The following HNRNPA2B1 variants were observed in gnomAD, a reference collection of about 807,000 sequenced individuals.
HNRNPA2B1 encodes the protein heterogeneous nuclear ribonucleoprotein A2/B1.
In HNRNPA2B1, 3 loss-of-function variants were observed where a neutral mutation model predicts 46.3. The ratio of observed to expected loss-of-function variants is 0.06; its 90% CI spans 0.03 to 0.17. HNRNPA2B1 has a LOEUF of 0.17. Among genes scored for constraint, HNRNPA2B1 ranks in the 10% least tolerant of loss-of-function variants. The pLI is 1.00. For missense variants in HNRNPA2B1, 221 were observed against 418.9 expected, an observed-to-expected ratio of 0.53 and a Z score of 4.12; for synonymous variants, 225 against 133.8, an observed-to-expected ratio of 1.68 and a Z score of -4.70.
intron 1 of HNRNPA2B1, 67 bp from the exon 2 acceptor site, chr7:26,197,799 C>A: frequency 1.2e-6 from 2 of 1,604,066 alleles, no homozygotes; most frequent in Non-Finnish European, 1.7e-6. Context: ...AAATTAAATT[C>A]TTAAATATGA....
Position 26,195,893 on chromosome 7 carries a change from TCCACTG to T in HNRNPA2B1, c.669_674del (p.Ser224_Gly225del), listed in dbSNP as rs1215176353. On this transcript the variant is annotated inframe_deletion, in exon 7 of 11. Transcript: ENST00000618183. ...CATTATAGCCATCCCCAAATCCACG[TCCACTG>T]CCATATCCATCTGTTAGGGGCCAAA... The T allele has an allele frequency of 6.2e-7, 1 of 1,609,474 alleles. No individual in the cohort carries two copies. Among genetic ancestry groups the T allele is most frequent in the Middle Eastern group, 1.7e-4 (1 of 6,030 alleles).
rs1407283972 is a variant in HNRNPA2B1, at chr7:26,196,427, G to T, written c.632C>A (p.Pro211Gln). 1 of 1,613,938 alleles carries T rather than the reference G, an allele frequency of 6.2e-7. No individual in the cohort carries two copies. The highest frequency in any genetic ancestry group is 8.5e-7 in the Non-Finnish European group (1 of 1,179,870). The change falls in exon 6 of 11, where the codon CCA becomes CAA. Residue 211 changes from proline to glutamine, a missense_variant. By Grantham distance (76) the Pro-to-Gln change is moderately conservative (BLOSUM62 -1). Around this residue, in one of 2 missense-constraint regions of HNRNPA2B1, gnomAD observed 143 missense variants for 200.5 expected, o/e 0.71. Coordinates refer to ENST00000618183, the MANE Select transcript of HNRNPA2B1 (RefSeq NM_002137.4). ...AGATCCTCCTCTAAAGTTACTTCCT[G>T]GTCCTGGTCCGAAATTTCCACCGCC... ...RGGGGNFGPG[P>Q]GSNFRGGSDG...
At chr7:26,198,820 T>G (rs1273221161) in intron 1 of HNRNPA2B1, 1 of 152,260 alleles carries the variant, frequency 6.6e-6, no homozygotes, top group African/African-American at 2.4e-5. Flanking sequence ...CAATCAATTA[T>G]TTTTTGTTCC....
chr7:26,193,182 C>A (rs1783107969), intron 9 of HNRNPA2B1, 69 bp downstream of exon 9: 2 of 1,452,264 alleles, frequency 1.4e-6, no homozygotes, highest in East Asian at 2.3e-5. Context: ...ATGTTATCTT[C>A]CCTTTAAGTC....
At position 26,190,666 on chromosome 7, in the gene HNRNPA2B1, T is replaced by C. The variant is rs1365156267; in HGVS notation, c.*1694A>G. The C allele has an allele frequency of 1.3e-5, 2 of 152,208 alleles. No individual in the cohort carries two copies. Among genetic ancestry groups the C allele is most frequent in the Admixed American group, 6.5e-5 (1 of 15,284 alleles). The allele number at this position is 152,208 out of a possible 1,614,324, so 9.4% of individuals were successfully genotyped here. On this transcript the variant is annotated 3_prime_UTR_variant, in exon 11 of 11. Coordinates refer to ENST00000618183, the MANE Select transcript of HNRNPA2B1 (RefSeq NM_002137.4). ...TGAATTTCAACAGCCAACCTACAACTTTCTCTTCAGGGTAAGACACTGAAC... is the reference window on the plus strand; with the variant it reads ...TGAATTTCAACAGCCAACCTACAACCTTCTCTTCAGGGTAAGACACTGAAC...
intron 1 of HNRNPA2B1, chr7:26,198,089 TAAAG>T (rs1330536442): frequency 1.3e-5 from 5 of 377,960 alleles, no homozygotes; most frequent in Non-Finnish European, 1.9e-5. Context: ...AAAGGATTAT[TAAAG>T]AATCTTTACC....
At position 26,200,582 on chromosome 7, in the gene HNRNPA2B1, G is replaced by A. The variant is rs375914282; in HGVS notation, c.-5C>T. Reference sequence around the variant, plus strand: ...TTTCAAACCCGTTACCTCCATCGCGGACTCAGTCGCTTCAGCCCGATTTCC... The same window carrying A: ...TTTCAAACCCGTTACCTCCATCGCGAACTCAGTCGCTTCAGCCCGATTTCC... On this transcript the variant is annotated 5_prime_UTR_variant, in exon 1 of 11. Coordinates refer to ENST00000618183, the MANE Select transcript of HNRNPA2B1 (RefSeq NM_002137.4). 3.4e-5 allele frequency: 55 copies of A among 1,613,352 alleles called. No homozygotes were observed. The highest frequency in any genetic ancestry group is 4.5e-5 in the Non-Finnish European group (53 of 1,180,012).
chr7:26,195,103 A>G lies in HNRNPA2B1; in HGVS notation c.721+744T>C, dbSNP rs1193582196. Among the ~76,000 whole-genome samples, 4 of 145,996 alleles carry G rather than the reference A, an allele frequency of 2.7e-5. 1 individual carries two copies. Among genetic ancestry groups the G allele is most frequent in the Admixed American group, 6.9e-5 (1 of 14,532 alleles). ...GCAAGGCTCCGTCTCAAAAAAAAAA[A>G]AAAAAAAGAAACCATATTAAAAAAA... On this transcript the variant is annotated intron_variant, in intron 7 of 10. Coordinates refer to ENST00000618183, the MANE Select transcript of HNRNPA2B1 (RefSeq NM_002137.4).
chr7:26,194,577 C>T (rs889828087), intron 7 of HNRNPA2B1, among the ~76,000 whole-genome samples: 1 of 150,832 alleles, frequency 6.6e-6, no homozygotes, highest in African/African-American at 2.4e-5. Context: ...TGGCACACCC[C>T]GTAGTTCCAG....
rs754178704 is a variant in HNRNPA2B1 at position 26,197,748 on chromosome 7, C to G, written c.7-16G>C. On this transcript the variant is annotated splice_polypyrimidine_tract_variant and intron_variant, in intron 1 of 10. Transcript: ENST00000618183. Reference sequence around the variant, plus strand: ...CCTTTTCTCTCTGCAAAGGAAAATACCATTTCAATTTTTATTTACATTTTC... The same window carrying G: ...CCTTTTCTCTCTGCAAAGGAAAATAGCATTTCAATTTTTATTTACATTTTC... 6.2e-7 allele frequency: 1 copy of G among 1,601,918 alleles called. No individual in the cohort carries two copies. Among genetic ancestry groups the G allele is most frequent in the Non-Finnish European group, 8.5e-7 (1 of 1,171,634 alleles).
intron 4 of HNRNPA2B1, 36 bp from the exon 5 acceptor site, chr7:26,196,694 T>C (rs372376249): frequency 1.9e-6 from 3 of 1,584,824 alleles, no homozygotes; most frequent in South Asian, 1.1e-5. Context: ...TTAAATTAAA[T>C]CAACAATATT....
At chr7:26,196,704 T>C (rs1583991091) in intron 4 of HNRNPA2B1, 46 bp from the exon 5 acceptor site, 1 of 1,573,670 alleles carries the variant, frequency 6.4e-7, no homozygotes, top group East Asian at 2.2e-5. Flanking sequence ...TCAACAATAT[T>C]AAGCAGCTTC....
intron 7 of HNRNPA2B1, among the ~76,000 whole-genome samples, chr7:26,194,948 G>C (rs1783360859): frequency 1.3e-5 from 2 of 151,490 alleles, no homozygotes; most frequent in African/African-American, 4.9e-5. Context: ...ACTAAAATTA[G>C]CTGGGCGTGG....
At chr7:26,192,817 T>C (rs1037554503) in intron 9 of HNRNPA2B1, among the ~76,000 whole-genome samples, 4 of 152,210 alleles carry the variant, frequency 2.6e-5, no homozygotes, top group Admixed American at 2.6e-4. Flanking sequence ...CATCCTCATT[T>C]GGACTGAGTA....
intron 4 of HNRNPA2B1, 62 bp downstream of exon 4, chr7:26,196,743 ATG>A: frequency 1.6e-5 from 25 of 1,560,348 alleles, no homozygotes; most frequent in Non-Finnish European, 2.2e-5. Flanking sequence ...AAAGTTACAG[ATG>A]TTAACATACA....
intron 7 of HNRNPA2B1, chr7:26,195,644 T>C: frequency 1.8e-6 from 1 of 553,358 alleles, no homozygotes; most frequent in South Asian, 2.4e-5. Flanking sequence ...ATCTTTACAT[T>C]TTCATTTAAA....
At chr7:26,194,670 G>A (rs1196687736) in intron 7 of HNRNPA2B1, among the ~76,000 whole-genome samples, 1 of 151,622 alleles carries the variant, frequency 6.6e-6, no homozygotes, top group Non-Finnish European at 1.5e-5. Context: ...TCCAGTCTGA[G>A]CAACAAAGCC....
rs946666570 is a variant in HNRNPA2B1, at chr7:26,190,881, A to G, written c.*1479T>C. 1 of 152,622 alleles carries G rather than the reference A, an allele frequency of 6.6e-6. No individual in the cohort carries two copies. Among genetic ancestry groups the G allele is most frequent in the African/African-American group, 2.4e-5 (1 of 41,456 alleles). 9.5% of individuals were successfully genotyped at this position (152,622 alleles called of 1,614,324 possible). ...ACCATAAATACAACAAATGTCTTTA[A>G]TAAAAACCCCTAGTTCACTCAAAAT... On this transcript the variant is annotated 3_prime_UTR_variant, in exon 11 of 11. Coordinates refer to ENST00000618183, the MANE Select transcript of HNRNPA2B1 (RefSeq NM_002137.4).
chr7:26,196,728 T>G, intron 4 of HNRNPA2B1, 70 bp from the exon 5 acceptor site: 4 of 1,568,018 alleles, frequency 2.6e-6, no homozygotes, highest in Non-Finnish European at 3.5e-6. Context: ...AGTTTACCTT[T>G]CAATAAAGTT....
Sources: allele counts gnomAD v4.1 joint callset (sites outside exome capture counted in the v4.1 genomes callset), GRCh38; gene constraint gnomAD v4.1.1; regional missense constraint gnomAD v4.1.1; transcripts MANE v1.5; gene names NCBI Gene and HGNC (gene_info 2026-07-23, HGNC 2026-07-21).